The following HBS1L variants were observed in gnomAD, a reference collection of about 807,000 sequenced individuals.
The protein encoded by HBS1L is HBS1-like protein.
HBS1L carries 55 observed loss-of-function variants against 88.9 expected under a neutral mutation model. The ratio of observed to expected loss-of-function variants is 0.62; its 90% CI spans 0.50 to 0.77. The LOEUF is 0.77. HBS1L is among the 30% of genes least tolerant of loss of function. The pLI, the probability that HBS1L is intolerant of heterozygous loss-of-function variation, is 0.00. For missense variants in HBS1L, 741 were observed against 829.3 expected (o/e 0.89, Z 1.31); for synonymous variants, 267 against 288.5 (o/e 0.93, Z 0.76).
chr6:134,977,484 A>T (rs901034236), intron 15 of HBS1L, among the ~76,000 whole-genome samples: 77 of 152,100 alleles, frequency 5.1e-4, no homozygotes, highest in African/African-American at 1.5e-3. Context: ...AACTATAGCA[A>T]TTTTTTTAAA....
In HBS1L at chr6:134,966,312, A is replaced by T. The variant is rs1774312587; in HGVS notation, c.2043+17T>A. On this transcript the variant is annotated intron_variant, in intron 17 of 17. Coordinates refer to ENST00000367837, the MANE Select transcript of HBS1L (RefSeq NM_006620.4). ...CATAACTATGGATATATAATGAGTC[A>T]CTTTAAAATAAAATACCTCAGTGAC... is the stretch of plus-strand genomic sequence containing the variant. 13 of 1,599,810 alleles carry T rather than the reference A, an allele frequency of 8.1e-6. No individual in the cohort carries two copies. Among genetic ancestry groups the T allele is most frequent in the Non-Finnish European group, 1.1e-5 (13 of 1,173,962 alleles).
intron 3 of HBS1L, 51 bp from the exon 4 acceptor site, chr6:135,039,818 A>G: frequency 6.9e-7 from 1 of 1,456,422 alleles, no homozygotes; most frequent in South Asian, 1.3e-5. Flanking sequence ...GCAATGAAAG[A>G]ACTTTTAATC....
intron 15 of HBS1L, among the ~76,000 whole-genome samples, chr6:134,974,735 A>T (rs964388744): frequency 2.0e-5 from 3 of 152,166 alleles, no homozygotes; most frequent in African/African-American, 7.2e-5. Flanking sequence ...AATGTTCAAT[A>T]AACTAGGCAA....
chr6:134,993,620 T>C, intron 8 of HBS1L, 138 bp downstream of exon 8: 2 of 422,776 alleles, frequency 4.7e-6, no homozygotes, highest in Non-Finnish European at 4.2e-6. Context: ...ATTGCTCTTT[T>C]TGTTCAAGCT....
chr6:135,032,839 CAT>C (rs1776426228), intron 4 of HBS1L, among the ~76,000 whole-genome samples: 1 of 151,216 alleles, frequency 6.6e-6, no homozygotes, highest in Non-Finnish European at 1.5e-5. Context: ...GTTATTAATA[CAT>C]ATGAGAAGAA....
rs1464754315 is a variant in HBS1L, at chr6:134,987,648, A to T, written c.1227T>A (p.Asp409Glu). The T allele has an allele frequency of 1.9e-6, 3 of 1,598,234 alleles. No individual in the cohort carries two copies. The highest frequency in any genetic ancestry group is 2.6e-6 in the Non-Finnish European group (3 of 1,173,010). Residue 409 changes from aspartate to glutamate, a missense_variant, in exon 9 of 18, where the codon GAT becomes GAA. Coordinates refer to ENST00000367837, the MANE Select transcript of HBS1L (RefSeq NM_006620.4). ...TQLAVAVNKM[D>E]QVNWQQERFQ... ...TCTCCACAAAGCCCTTAAATACCTG[A>T]TCCATTTTATTAACTGCAACTGCAA...
At chr6:135,025,058 G>T (rs114601260) in intron 4 of HBS1L, among the ~76,000 whole-genome samples, 1 of 152,106 alleles carries the variant, frequency 6.6e-6, no homozygotes, top group African/African-American at 2.4e-5. Flanking sequence ...AGTTGAAAAG[G>T]GGGTATCTAA....
chr6:135,027,902 T>A (rs1265253230), intron 4 of HBS1L, among the ~76,000 whole-genome samples: 1 of 151,948 alleles, frequency 6.6e-6, no homozygotes, highest in African/African-American at 2.4e-5. Context: ...GTAGCTGGGA[T>A]CAAAGATGCG....
At chr6:134,992,451 A>C (rs1775168599) in intron 8 of HBS1L, among the ~76,000 whole-genome samples, 1 of 152,242 alleles carries the variant, frequency 6.6e-6, no homozygotes, top group Non-Finnish European at 1.5e-5. Flanking sequence ...ATTGTATAAA[A>C]GAATATAGCA....
chr6:134,979,616 A>T (rs1035663980), intron 13 of HBS1L, among the ~76,000 whole-genome samples: 6 of 152,126 alleles, frequency 3.9e-5, no homozygotes, highest in Non-Finnish European at 8.8e-5. Context: ...GACAAAATAA[A>T]ACACAGTTCA....
intron 17 of HBS1L, 27 bp from the exon 18 acceptor site, chr6:134,965,317 T>C (rs773008583): frequency 1.4e-6 from 2 of 1,419,840 alleles, no homozygotes; most frequent in South Asian, 2.4e-5. Context: ...AAAAAAGACA[T>C]TTGCTGTAAT....
At position 135,043,606 on chromosome 6, in the gene HBS1L, T is replaced by C. The variant is rs147923763; in HGVS notation, c.110-1480A>G. On this transcript the variant is annotated intron_variant, in intron 2 of 17. Coordinates refer to ENST00000367837, the MANE Select transcript of HBS1L (RefSeq NM_006620.4). ...GGGAGGGCAAAGAAGAAAAACGTAA[T>C]GACTTATTCTAAAAGCCAAATGAGT... Among the ~76,000 whole-genome samples the C allele has an allele frequency of 1.7e-3, 256 of 152,266 alleles. 2 individuals are homozygous for C. Among genetic ancestry groups the C allele is most frequent in the Non-Finnish European group, 4.0e-4 (27 of 68,012 alleles).
chr6:134,998,533 G>A (rs1172571048), intron 5 of HBS1L, among the ~76,000 whole-genome samples: 1 of 152,200 alleles, frequency 6.6e-6, no homozygotes, highest in African/African-American at 2.4e-5. Context: ...TAAATTGGAA[G>A]TTATTAAGAA....
At position 134,974,438 on chromosome 6, in the gene HBS1L, C is replaced by G. The variant is rs1309590213; in HGVS notation, c.1797+4241G>C. 3.3e-5 allele frequency among the ~76,000 whole-genome samples: 5 copies of G among 151,982 alleles called. No homozygotes were observed. In the East Asian group the frequency reaches 7.7e-4, roughly 23 times the overall value. On this transcript the variant is annotated intron_variant, in intron 15 of 17. Transcript: ENST00000367837. ...AGTATCATCACCCTGATAACAAAAC[C>G]AGGAAAGGACATAACAAAAAAAGAA...
intron 2 of HBS1L, among the ~76,000 whole-genome samples, chr6:135,050,151 T>C (rs1036443565): frequency 4.6e-5 from 7 of 152,218 alleles, no homozygotes; most frequent in African/African-American, 1.4e-4. Context: ...CATATATTGG[T>C]TTATTTACCA....
intron 12 of HBS1L, chr6:134,983,077 A>AGTGTC (rs1454910236): frequency 6.6e-6 from 1 of 152,394 alleles, no homozygotes; most frequent in Non-Finnish European, 1.5e-5. Context: ...AGAAAAAGGA[A>AGTGTC]GACACTGCTG....
intron 4 of HBS1L, among the ~76,000 whole-genome samples, chr6:135,017,172 T>C (rs1775946189): frequency 6.6e-6 from 1 of 152,184 alleles, no homozygotes; most frequent in South Asian, 2.1e-4. Context: ...CTGCCTGAAA[T>C]CAGAAAACCA....
At chr6:135,037,142 C>T (rs1308302327) in intron 4 of HBS1L, 30 of 1,551,538 alleles carry the variant, frequency 1.9e-5, no homozygotes, top group South Asian at 7.1e-5. Flanking sequence ...TTATGAAATG[C>T]CAATGACGAC....
At position 134,991,955 on chromosome 6, in the gene HBS1L, C is replaced by A. The variant is rs534966436; in HGVS notation, c.1083+1803G>T. 9.9e-5 allele frequency among the ~76,000 whole-genome samples: 15 copies of A among 152,256 alleles called. No individual in the cohort carries two copies. The South Asian group carries it at 1.7e-3, about 17-fold the overall frequency. On this transcript the variant is annotated intron_variant, in intron 8 of 17. Transcript: ENST00000367837. Reference sequence around the variant, plus strand: ...TGGTGGCACATGCCTGCAGTCCCAGCTACTCAGGAGGCTGGGGTGAGAGGA... The same window carrying A: ...TGGTGGCACATGCCTGCAGTCCCAGATACTCAGGAGGCTGGGGTGAGAGGA...
Sources: allele counts gnomAD v4.1 joint callset (sites outside exome capture counted in the v4.1 genomes callset), GRCh38; gene constraint gnomAD v4.1.1; transcripts MANE v1.5; gene names NCBI Gene and HGNC (gene_info 2026-07-23, HGNC 2026-07-21).